The following ASB4 variants were observed in gnomAD, a reference collection of about 807,000 sequenced individuals.
ASB4 encodes the protein ankyrin repeat and SOCS box containing 4.
In ASB4, 35 loss-of-function variants were observed where a neutral mutation model predicts 38.6. The observed-to-expected ratio is 0.91, with a 90% confidence interval of 0.69 to 1.20. ASB4 has a LOEUF of 1.20. Among genes scored for constraint, ASB4 ranks in the 50% most tolerant of loss-of-function variants. The pLI is 0.00. For synonymous variants in ASB4, 195 were observed against 201.3 expected, an observed-to-expected ratio of 0.97 and a Z score of 0.26; for missense variants, 557 against 527.2, an observed-to-expected ratio of 1.06 and a Z score of -0.55.
intron 2 of ASB4, among the ~76,000 whole-genome samples, chr7:95,499,710 A>G (rs77626949): frequency 0.031 from 4,662 of 152,180 alleles, 231 homozygotes; most frequent in African/African-American, 0.11. Flanking sequence ...GGTCACAGGC[A>G]AGACTTACCT....
At chr7:95,550,602 C>CAACAAGA in the ASB4 span, among the ~76,000 whole-genome samples, 1 of 152,188 alleles carries the variant, frequency 6.6e-6, no homozygotes, top group Non-Finnish European at 1.5e-5. Context: ...CACCTGTAAT[C>CAACAAGA]TTGTTGTCCA....
At chr7:95,525,649 C>G (rs80297058) in intron 2 of ASB4, among the ~76,000 whole-genome samples, 2,637 of 152,232 alleles carry the variant, frequency 0.017, 85 homozygotes, top group African/African-American at 0.059. Flanking sequence ...TGATTCTCTT[C>G]CTTACTGGAA....
intron 2 of ASB4, among the ~76,000 whole-genome samples, chr7:95,515,167 CTCTTTCTTTCTTTCTTTCTTTCTTTCTT>C (rs71127411): frequency 1.6e-4 from 14 of 89,754 alleles, no homozygotes; most frequent in African/African-American, 3.9e-4. Flanking sequence ...CTTTCTCTTT[CTCTTTCTTTCTTTCTTTCTTTCTTTCTT>C]TCTTTCTTTC....
Position 95,489,730 on chromosome 7 carries a change from A to G in ASB4, c.187+3572A>G, listed in dbSNP as rs552676361. On this transcript the variant is annotated intron_variant, in intron 1 of 4. Transcript: ENST00000325885. ...AAGAAAACATAAAGAATGACTTTCT[A>G]ACTGCCAAATGCAATAAGTCATTGA... 1.4e-3 allele frequency among the ~76,000 whole-genome samples: 217 copies of G among 152,346 alleles called. 4 individuals are homozygous for G. The highest frequency in any genetic ancestry group is 9.6e-4 in the Non-Finnish European group (65 of 68,036).
At chr7:95,522,750 T>C (rs574083598) in intron 2 of ASB4, among the ~76,000 whole-genome samples, 11 of 152,360 alleles carry the variant, frequency 7.2e-5, no homozygotes, top group African/African-American at 2.6e-4. Context: ...TTATCTGTCC[T>C]GTTCATCCCA....
At chr7:95,485,525 T>G (rs1790076329), upstream of ASB4, among the ~76,000 whole-genome samples, 1 of 152,138 alleles carries the variant, frequency 6.6e-6, no homozygotes, top group African/African-American at 2.4e-5. Context: ...TAGAAGCAAA[T>G]GTATCCACAA....
chr7:95,546,970 A>C, the ASB4 span, among the ~76,000 whole-genome samples: 1 of 152,168 alleles, frequency 6.6e-6, no homozygotes, highest in East Asian at 1.9e-4. Flanking sequence ...GGGTGCTTTC[A>C]AAAATACCAC....
chr7:95,483,459 A>T (rs1790040587), upstream of ASB4, among the ~76,000 whole-genome samples: 1 of 152,238 alleles, frequency 6.6e-6, no homozygotes, highest in Non-Finnish European at 1.5e-5. Context: ...CATTTACCTA[A>T]AGAGACTGCT....
At chr7:95,508,462 A>G (rs1324360086) in intron 2 of ASB4, among the ~76,000 whole-genome samples, 1 of 152,252 alleles carries the variant, frequency 6.6e-6, no homozygotes, top group East Asian at 1.9e-4. Context: ...CTATAATTAT[A>G]GAGAATAATT....
intron 2 of ASB4, among the ~76,000 whole-genome samples, chr7:95,521,031 A>C (rs1312575009): frequency 6.6e-6 from 1 of 152,082 alleles, no homozygotes; most frequent in African/African-American, 2.4e-5. Context: ...AAATGTTTGA[A>C]TTGCATTGAA....
At chr7:95,544,502 T>C (rs1312119579), downstream of ASB4, 1 of 152,216 alleles carries the variant, frequency 6.6e-6, no homozygotes, top group Non-Finnish European at 1.5e-5. Context: ...CAACTAGCAC[T>C]GCAGTGTGGC....
chr7:95,515,363 C>CT (rs1562817458), intron 2 of ASB4, among the ~76,000 whole-genome samples: 2 of 90,268 alleles, frequency 2.2e-5, no homozygotes, highest in East Asian at 2.7e-4. Flanking sequence ...TTCTTTCTTT[C>CT]TTTTCTTTCT....
chr7:95,509,482 G>T (rs1213539894), intron 2 of ASB4, among the ~76,000 whole-genome samples: 1 of 152,172 alleles, frequency 6.6e-6, no homozygotes, highest in Non-Finnish European at 1.5e-5. Flanking sequence ...CTGAATAAAT[G>T]CAACAAAGCT....
chr7:95,525,905 T>C (rs1453637576), intron 2 of ASB4, among the ~76,000 whole-genome samples: 5 of 152,192 alleles, frequency 3.3e-5, no homozygotes, highest in Non-Finnish European at 5.9e-5. Flanking sequence ...GTACCTTCCT[T>C]GGGGACTGAG....
intron 2 of ASB4, among the ~76,000 whole-genome samples, chr7:95,500,971 A>G (rs189829208): frequency 6.6e-6 from 1 of 152,326 alleles, no homozygotes; most frequent in East Asian, 1.9e-4. Context: ...ATGTGTAGCC[A>G]TCACCACTCT....
rs1176868188 is a variant in ASB4 at position 95,513,260 on chromosome 7, T to G, written c.488-14553T>G. ...TTTTTTTGTTTTTTGTTTGTTTTTT[T>G]TTTTTTTTTTTTTTAGAAATCGAGC... On this transcript the variant is annotated intron_variant, in intron 2 of 4. Transcript: ENST00000325885. Among the ~76,000 whole-genome samples, 248 of 142,344 alleles carry G rather than the reference T, an allele frequency of 1.7e-3. 4 individuals are homozygous for G. Among genetic ancestry groups the G allele is most frequent in the African/African-American group, 6.2e-3 (233 of 37,434 alleles). The allele number at this position is 142,344 out of a possible 152,430, so 93.4% of individuals were successfully genotyped here. A position where few individuals can be genotyped will look rare whatever the true frequency, so the allele number is the denominator to read the frequency against.
chr7:95,541,733 C>T (rs750857361), downstream of ASB4, among the ~76,000 whole-genome samples: 4 of 152,044 alleles, frequency 2.6e-5, no homozygotes, highest in South Asian at 2.1e-4. Context: ...GTATCATATA[C>T]GGAGCTGATT....
intron 2 of ASB4, among the ~76,000 whole-genome samples, chr7:95,525,882 A>C (rs571062711): frequency 2.0e-5 from 3 of 152,216 alleles, no homozygotes; most frequent in African/African-American, 7.2e-5. Flanking sequence ...TTTACAGAGC[A>C]ATGTACTCTT....
At chr7:95,533,833 T>C (rs187243126) in intron 3 of ASB4, among the ~76,000 whole-genome samples, 4 of 152,322 alleles carry the variant, frequency 2.6e-5, no homozygotes, top group Admixed American at 1.3e-4. Flanking sequence ...CCCTTGCACA[T>C]AGTAAGTCCT....
Sources: gnomAD v4.1 joint callset for allele counts (sites outside exome capture counted in the v4.1 genomes callset) on GRCh38, gnomAD v4.1.1 for gene constraint, MANE v1.5 for transcripts, NCBI Gene and HGNC (gene_info 2026-07-23, HGNC 2026-07-21) for gene names.